Variants in RALGAPA1 observed in about 807,000 individuals in gnomAD.
RALGAPA1 encodes the protein Ral GTPase activating protein catalytic subunit alpha 1, also known as ral GTPase-activating protein subunit alpha-1.
In RALGAPA1, 52 loss-of-function variants were observed where a neutral mutation model predicts 269.6. The observed-to-expected ratio is 0.19, with a 90% CI of 0.15 to 0.24. The LOEUF (loss-of-function observed/expected upper bound fraction) is 0.24. Ranked by LOEUF, RALGAPA1 falls within the 10% of genes least tolerant of loss-of-function variation. The pLI is 1.00. For missense variants in RALGAPA1, 1,917 were observed against 3,013.9 expected (o/e 0.64, Z 8.52); for synonymous variants, 817 against 1,008.3 (o/e 0.81, Z 3.60).
At chr14:35,748,553 TTA>T in intron 10 of RALGAPA1, 30 bp downstream of exon 10, 1 of 1,571,726 alleles carries the variant, frequency 6.4e-7, no homozygotes. Context: ...AAAGCCTTCC[TTA>T]TAAATTAAAA....
chr14:35,605,788 A>G lies in RALGAPA1; in HGVS notation c.6930-79T>C, dbSNP rs2059562950. 7 of 1,496,916 alleles carry G rather than the reference A, an allele frequency of 4.7e-6. No homozygotes were observed. In the East Asian group the frequency reaches 1.6e-4, roughly 35 times the overall value. The allele number at this position is 1,496,916 out of a possible 1,614,324, so 92.7% of individuals were successfully genotyped here. On this transcript the variant is annotated intron_variant, in intron 35 of 41. Transcript: ENST00000680220. ...CATCCAACAATTAAGTTCTATGTAC[A>G]AAGTATGTAGCAATAAAAAGATGAA... is the stretch of plus-strand genomic sequence containing the variant.
In RALGAPA1 at chr14:35,738,042, C is replaced by T. The variant is rs573547087; in HGVS notation, c.1587+471G>A. 6.6e-5 allele frequency among the ~76,000 whole-genome samples: 10 copies of T among 151,064 alleles called. No homozygotes were observed. In the East Asian group the frequency reaches 9.7e-4, roughly 15 times the overall value. On this transcript the variant is annotated intron_variant, in intron 12 of 41. Coordinates refer to ENST00000680220, the MANE Select transcript of RALGAPA1 (RefSeq NM_001346249.2). Reference sequence around the variant, plus strand: ...GGCAGAGGTTGCAGTGGGCCAAGATCGCACCATTGCACTCCAGCCTGGGCA... The same window carrying T: ...GGCAGAGGTTGCAGTGGGCCAAGATTGCACCATTGCACTCCAGCCTGGGCA...
chr14:35,689,758 T>C lies in RALGAPA1; in HGVS notation c.2653A>G (p.Arg885Gly). 2 of 1,499,954 alleles carry C rather than the reference T, an allele frequency of 1.3e-6. No homozygotes were observed. Among genetic ancestry groups the C allele is most frequent in the Non-Finnish European group, 8.8e-7 (1 of 1,131,850 alleles). 92.9% of individuals were successfully genotyped at this position (1,499,954 alleles called of 1,614,324 possible). A position where few individuals can be genotyped will look rare whatever the true frequency, so the allele number is the denominator to read the frequency against. ...TCAGTGATGTGGCTTTCAGTGGATC[T>C]AGTTATTGAAGAAGCCTCTGTGGAA... The part of the protein sequence containing the change: ...QSSTEASSIT[R>G]STESHITDTH... Residue 885 changes from arginine to glycine, a missense_variant, in exon 18 of 42, where the codon AGA (arginine) becomes GGA (glycine). Transcript: ENST00000680220.
Position 35,572,711 on chromosome 14 carries a change from T to C in RALGAPA1, c.7217A>G (p.His2406Arg). Residue 2406 changes from histidine to arginine, a missense_variant, in exon 38 of 42, where the codon CAT becomes CGT. Transcript: ENST00000680220. The part of the protein sequence containing the change: ...SDDSLTKKLR[H>R]LGNDEVHIVW... ...AATGTGCACTTCATCATTTCCCAAA[T>C]GTCTCAACTGGAAAGACAAGAAAAC... 6.3e-7 allele frequency: 1 copy of C among 1,598,760 alleles called. No homozygotes were observed. Among genetic ancestry groups the C allele is most frequent in the South Asian group, 1.1e-5 (1 of 87,834 alleles).
At chr14:35,702,120 C>T (rs2067403735) in intron 16 of RALGAPA1, among the ~76,000 whole-genome samples, 1 of 152,192 alleles carries the variant, frequency 6.6e-6, no homozygotes, top group Non-Finnish European at 1.5e-5. Context: ...ATCCCCTGAT[C>T]TTTGAATCCC....
At chr14:35,625,726 T>C (rs1002020582) in intron 34 of RALGAPA1, among the ~76,000 whole-genome samples, 1 of 152,226 alleles carries the variant, frequency 6.6e-6, no homozygotes, top group African/African-American at 2.4e-5. Context: ...AAGTACTTTG[T>C]ATTTCTTTTC....
intron 7 of RALGAPA1, among the ~76,000 whole-genome samples, chr14:35,755,060 G>C (rs1440601655): frequency 6.6e-6 from 1 of 152,134 alleles, no homozygotes; most frequent in Non-Finnish European, 1.5e-5. Flanking sequence ...GAATTACAAA[G>C]GGATCCAAGG....
At chr14:35,751,906 C>T in intron 8 of RALGAPA1, 118 bp downstream of exon 8, 1 of 1,378,968 alleles carries the variant, frequency 7.3e-7, no homozygotes, top group Non-Finnish European at 9.5e-7. Context: ...CATATCTATA[C>T]CAACCAATAC....
At chr14:35,745,422 GAC>G (rs71445957) in intron 10 of RALGAPA1, among the ~76,000 whole-genome samples, 104 of 146,474 alleles carry the variant, frequency 7.1e-4, no homozygotes, top group South Asian at 1.7e-3. Flanking sequence ...CACACAGACA[GAC>G]ACACACACAC....
chr14:35,581,137 C>T (rs1420026646), intron 37 of RALGAPA1, among the ~76,000 whole-genome samples: 1 of 152,018 alleles, frequency 6.6e-6, no homozygotes, highest in Non-Finnish European at 1.5e-5. Context: ...TCAGGGACAA[C>T]TGGTATAAGA....
chr14:35,734,198 A>G (rs546435805), intron 12 of RALGAPA1, among the ~76,000 whole-genome samples: 74 of 152,282 alleles, frequency 4.9e-4, no homozygotes, highest in African/African-American at 1.6e-3. Flanking sequence ...GAATTAGAAA[A>G]AACAATTCTA....
intron 33 of RALGAPA1, among the ~76,000 whole-genome samples, chr14:35,630,311 A>C (rs961049928): frequency 1.3e-5 from 2 of 151,380 alleles, no homozygotes; most frequent in African/African-American, 4.9e-5. Flanking sequence ...TTTTTGGGAC[A>C]GAGTCTTGCT....
At position 35,715,897 on chromosome 14, in the gene RALGAPA1, A is replaced by G. The variant is rs2068775089; in HGVS notation, c.2266+5791T>C. Reference sequence around the variant, plus strand: ...CACTCCATTTTCCACTCATAGTTTTATTTTGGTCAAGGAAATGAGTAAGAA... The same window carrying G: ...CACTCCATTTTCCACTCATAGTTTTGTTTTGGTCAAGGAAATGAGTAAGAA... On this transcript the variant is annotated intron_variant, in intron 16 of 41. Transcript: ENST00000680220. The G allele has an allele frequency of 3.0e-6, 3 of 985,216 alleles. No homozygotes were observed. In the African/African-American group the frequency reaches 5.2e-5, roughly 17 times the overall value. The allele number at this position is 985,216 out of a possible 1,614,324, so 61.0% of individuals were successfully genotyped here.
intron 16 of RALGAPA1, among the ~76,000 whole-genome samples, chr14:35,714,650 T>C (rs1269201547): frequency 6.6e-6 from 1 of 152,244 alleles, no homozygotes; most frequent in East Asian, 1.9e-4. Context: ...ATTCCAAAAT[T>C]ACTATATTCA....
At chr14:35,554,779 T>A (rs2055434214) in intron 39 of RALGAPA1, among the ~76,000 whole-genome samples, 3 of 152,202 alleles carry the variant, frequency 2.0e-5, no homozygotes, top group Non-Finnish European at 4.4e-5. Flanking sequence ...ATTTTTATGA[T>A]CCATTTTGTG....
At chr14:35,621,444 T>C (rs886516073) in intron 35 of RALGAPA1, among the ~76,000 whole-genome samples, 6 of 152,262 alleles carry the variant, frequency 3.9e-5, no homozygotes, top group South Asian at 2.1e-4. Flanking sequence ...ATTCAGGACA[T>C]AGGCATGCGC....
intron 1 of RALGAPA1, among the ~76,000 whole-genome samples, chr14:35,782,340 TTC>T (rs2075490612): frequency 6.6e-6 from 1 of 152,160 alleles, no homozygotes; most frequent in Admixed American, 6.5e-5. Flanking sequence ...AATGGAGACA[TTC>T]TGTGTTCATG....
intron 11 of RALGAPA1, among the ~76,000 whole-genome samples, chr14:35,739,040 C>CA (rs33977985): frequency 6.6e-6 from 1 of 151,256 alleles, no homozygotes; most frequent in African/African-American, 2.4e-5. Flanking sequence ...AAATAAATGA[C>CA]AAAAAAAAAA....
intron 39 of RALGAPA1, among the ~76,000 whole-genome samples, chr14:35,568,089 G>C (rs1015672831): frequency 6.6e-6 from 1 of 152,238 alleles, no homozygotes. Flanking sequence ...TACTGTTCTA[G>C]AGATATTCAG....
Sources: allele counts gnomAD v4.1 joint callset (sites outside exome capture counted in the v4.1 genomes callset), GRCh38; gene constraint gnomAD v4.1.1; transcripts MANE v1.5; gene names NCBI Gene and HGNC (gene_info 2026-07-23, HGNC 2026-07-21).